IL19: variants seen among roughly 807,000 people sequenced by gnomAD.
IL19 encodes interleukin-19.
Under a neutral mutation model 19.5 loss-of-function variants are expected in IL19, and 15 were observed. That is an observed-to-expected ratio of 0.77 (90% CI 0.52 to 1.19). The LOEUF (loss-of-function observed/expected upper bound fraction) is 1.19, where lower values mean the gene tolerates loss of function less well. Among genes scored for constraint, IL19 ranks in the 50% most tolerant of loss-of-function variants. IL19 has a pLI of 0.00. For missense variants in IL19, 199 were observed against 213.1 expected, an observed-to-expected ratio of 0.93 and a Z score of 0.41; for synonymous variants, 78 against 78.3, an observed-to-expected ratio of 1.00 and a Z score of 0.02.
chr1:206,832,605 C>T (rs1419899684), intron 2 of IL19, among the ~76,000 whole-genome samples: 1 of 152,150 alleles, frequency 6.6e-6, no homozygotes, highest in Non-Finnish European at 1.5e-5. Context: ...TGACATGCAG[C>T]TTCTAGGAAA....
chr1:206,789,387 C>A (rs180835710), intron 1 of IL19, among the ~76,000 whole-genome samples: 4 of 152,134 alleles, frequency 2.6e-5, no homozygotes, highest in Admixed American at 6.5e-5. Context: ...ACCCCTTATG[C>A]CTTTGTGAAT....
intron 1 of IL19, among the ~76,000 whole-genome samples, chr1:206,787,444 T>C (rs2102452270): frequency 6.6e-6 from 1 of 152,370 alleles, no homozygotes; most frequent in Middle Eastern, 3.4e-3. Flanking sequence ...ACATGTTTTA[T>C]ATATGCCAGA....
chr1:206,828,402 C>T (rs535896759), intron 2 of IL19, among the ~76,000 whole-genome samples: 2 of 152,298 alleles, frequency 1.3e-5, no homozygotes, highest in Admixed American at 6.5e-5. Flanking sequence ...GACAGGGGTT[C>T]CTCCTCCTGC....
At chr1:206,772,150 G>T in intron 1 of IL19, 1 of 858,236 alleles carries the variant, frequency 1.2e-6, no homozygotes, top group Middle Eastern at 2.2e-4. Context: ...ATTTAAGTTT[G>T]GGGGAATAGG....
At chr1:206,777,706 G>A (rs1675044194) in intron 1 of IL19, among the ~76,000 whole-genome samples, 1 of 152,244 alleles carries the variant, frequency 6.6e-6, no homozygotes, top group Non-Finnish European at 1.5e-5. Flanking sequence ...TTGGGGATGG[G>A]TGACAACTGT....
intron 2 of IL19, among the ~76,000 whole-genome samples, chr1:206,823,930 T>C (rs1676361069): frequency 6.6e-6 from 1 of 152,178 alleles, no homozygotes; most frequent in African/African-American, 2.4e-5. Flanking sequence ...CCTGCTTCCC[T>C]CCGTCTTAAG....
At chr1:206,789,941 T>G (rs2102453636) in intron 1 of IL19, among the ~76,000 whole-genome samples, 1 of 152,342 alleles carries the variant, frequency 6.6e-6, no homozygotes, top group African/African-American at 2.4e-5. Context: ...GGTGGACACT[T>G]AGGTTAGTTC....
chr1:206,789,003 A>T (rs924126143), intron 1 of IL19, among the ~76,000 whole-genome samples: 1 of 152,234 alleles, frequency 6.6e-6, no homozygotes, highest in Non-Finnish European at 1.5e-5. Context: ...CAAGATATAA[A>T]AGATGGACAG....
At chr1:206,826,029 C>G (rs945213738) in intron 2 of IL19, among the ~76,000 whole-genome samples, 2 of 152,204 alleles carry the variant, frequency 1.3e-5, no homozygotes, top group African/African-American at 4.8e-5. Flanking sequence ...TTGGGACACA[C>G]GGTCTCAGCC....
intron 1 of IL19, among the ~76,000 whole-genome samples, chr1:206,790,084 G>A (rs972556443): frequency 3.3e-5 from 5 of 152,130 alleles, no homozygotes; most frequent in Non-Finnish European, 4.4e-5. Flanking sequence ...AGTGGTAAAT[G>A]TGCTTTTAGT....
At position 206,811,033 on chromosome 1, in the gene IL19, C is replaced by T. The variant is rs569400887; in HGVS notation, c.-3+12027C>T. Reference sequence around the variant, plus strand: ...GCTTCTTGCACAGTCTGCAGAACTGCGAGCCAAAATAAACCTCTTTTCTTT... The same window carrying T: ...GCTTCTTGCACAGTCTGCAGAACTGTGAGCCAAAATAAACCTCTTTTCTTT... On this transcript the variant is annotated intron_variant, in intron 2 of 6. Coordinates refer to ENST00000659997, the MANE Select transcript of IL19 (RefSeq NM_153758.5). Among the ~76,000 whole-genome samples the T allele has an allele frequency of 2.7e-3, 418 of 152,282 alleles. 2 individuals are homozygous for T. The highest frequency in any genetic ancestry group is 4.6e-3 in the Non-Finnish European group (312 of 68,030).
At chr1:206,813,948 A>ACAGTTTC (rs1172744557) in intron 2 of IL19, among the ~76,000 whole-genome samples, 5 of 152,186 alleles carry the variant, frequency 3.3e-5, no homozygotes, top group Admixed American at 2.0e-4. Flanking sequence ...CTCTTGCGTG[A>ACAGTTTC]CAGTTTCCAG....
At chr1:206,830,759 A>G (rs1314178795) in intron 2 of IL19, among the ~76,000 whole-genome samples, 1 of 152,116 alleles carries the variant, frequency 6.6e-6, no homozygotes, top group Non-Finnish European at 1.5e-5. Flanking sequence ...TTGTATTTTT[A>G]GTAGAGACGG....
intron 4 of IL19, 95 bp from the exon 5 acceptor site, chr1:206,839,755 T>C (rs1676936329): frequency 1.9e-6 from 2 of 1,073,806 alleles, no homozygotes; most frequent in Non-Finnish European, 2.7e-6. Flanking sequence ...CTTTTAGTTC[T>C]CTCATGTGTC....
chr1:206,786,488 T>A (rs1341371553), intron 1 of IL19, among the ~76,000 whole-genome samples: 2 of 152,290 alleles, frequency 1.3e-5, no homozygotes, highest in East Asian at 3.9e-4. Context: ...AAGGCAAGGT[T>A]CTTGGTGGAG....
intron 2 of IL19, among the ~76,000 whole-genome samples, chr1:206,825,434 T>C (rs59262814): frequency 6.6e-6 from 1 of 152,364 alleles, no homozygotes; most frequent in Middle Eastern, 3.4e-3. Flanking sequence ...ATCTATAAGA[T>C]GTCAAGATCA....
At chr1:206,836,413 G>A (rs1269794571) in intron 2 of IL19, among the ~76,000 whole-genome samples, 2 of 143,526 alleles carry the variant, frequency 1.4e-5, no homozygotes, top group Non-Finnish European at 3.1e-5. Context: ...AGAGAGTGGT[G>A]TATCGTGTTT....
intron 1 of IL19, among the ~76,000 whole-genome samples, chr1:206,796,053 G>T (rs992477105): frequency 1.3e-5 from 2 of 151,926 alleles, no homozygotes; most frequent in South Asian, 2.1e-4. Flanking sequence ...ACCCAGGAAA[G>T]CCGATGGTAT....
chr1:206,777,339 G>C (rs1398250541), intron 1 of IL19, among the ~76,000 whole-genome samples: 1 of 149,238 alleles, frequency 6.7e-6, no homozygotes, highest in East Asian at 2.0e-4. Context: ...CCTGGGAGGC[G>C]GAGGTTGCAG....
Sources: gnomAD v4.1 joint callset for allele counts (sites outside exome capture counted in the v4.1 genomes callset) on GRCh38, gnomAD v4.1.1 for gene constraint, MANE v1.5 for transcripts, NCBI Gene and HGNC (gene_info 2026-07-23, HGNC 2026-07-21) for gene names.